The following CHL1 variants were observed in gnomAD, a reference collection of about 807,000 sequenced individuals.
The protein encoded by CHL1 is neural cell adhesion molecule L1-like protein.
CHL1 carries 96 observed loss-of-function variants against 141.9 expected under a neutral mutation model. The observed-to-expected ratio is 0.68, with a 90% CI of 0.57 to 0.80. The LOEUF is 0.80. CHL1 is among the 30% of genes least tolerant of loss of function. The pLI is 0.00. For synonymous variants in CHL1, 613 were observed against 502.2 expected (o/e 1.22, Z -2.95); for missense variants, 1,820 against 1,457.2 (o/e 1.25, Z -4.05).
intron 2 of CHL1, among the ~76,000 whole-genome samples, chr3:285,086 T>G (rs1175185941): frequency 6.6e-6 from 1 of 152,256 alleles, no homozygotes; most frequent in Non-Finnish European, 1.5e-5. Flanking sequence ...TTTGTGTGTT[T>G]AAACATGCTT....
At chr3:357,576 G>A (rs773314838) in intron 11 of CHL1, among the ~76,000 whole-genome samples, 3 of 152,224 alleles carry the variant, frequency 2.0e-5, no homozygotes, top group East Asian at 1.9e-4. Context: ...CTGAAGTTTC[G>A]TCCATTTTAT....
intron 18 of CHL1, 139 bp from the exon 19 acceptor site, chr3:383,677 A>G: frequency 3.9e-6 from 2 of 516,836 alleles, no homozygotes; most frequent in East Asian, 3.0e-5. Flanking sequence ...AAATCTTTTT[A>G]GGAACTGGAC....
At chr3:394,228 A>G (rs1254704999) in intron 23 of CHL1, among the ~76,000 whole-genome samples, 1 of 152,228 alleles carries the variant, frequency 6.6e-6, no homozygotes, top group Non-Finnish European at 1.5e-5. Context: ...TTGGTGCCAC[A>G]TGTTAAACTA....
At chr3:366,633 T>C (rs1385815104) in intron 15 of CHL1, among the ~76,000 whole-genome samples, 1 of 147,368 alleles carries the variant, frequency 6.8e-6, no homozygotes, top group African/African-American at 2.5e-5. Flanking sequence ...GTGTGTGAAA[T>C]GGAAACCACT....
intron 15 of CHL1, among the ~76,000 whole-genome samples, chr3:375,675 T>C (rs896799201): frequency 1.3e-5 from 2 of 152,118 alleles, no homozygotes; most frequent in Non-Finnish European, 2.9e-5. Flanking sequence ...TAACACTCTC[T>C]GAGCACATAC....
At chr3:314,246 GT>G (rs1699974826) in intron 2 of CHL1, among the ~76,000 whole-genome samples, 1 of 147,742 alleles carries the variant, frequency 6.8e-6, no homozygotes, top group Admixed American at 6.8e-5. Context: ...TTAGGAAAAT[GT>G]TAAAATGCAC....
intron 2 of CHL1, chr3:248,569 T>A (rs922872425): frequency 2.0e-5 from 3 of 152,116 alleles, no homozygotes; most frequent in Non-Finnish European, 4.4e-5. Flanking sequence ...GTCACTGCAA[T>A]CAAGGTAATA....
chr3:335,719 T>C (rs969452397), intron 5 of CHL1, among the ~76,000 whole-genome samples: 8 of 152,222 alleles, frequency 5.3e-5, no homozygotes, highest in African/African-American at 1.9e-4. Context: ...CTACATGAAA[T>C]GAACAAATGA....
chr3:207,165 C>T (rs1699515428), intron 1 of CHL1, among the ~76,000 whole-genome samples: 1 of 152,206 alleles, frequency 6.6e-6, no homozygotes. Flanking sequence ...GGGATATTTA[C>T]AAGCAAATGT....
chr3:235,396 C>T (rs910137550), intron 1 of CHL1, among the ~76,000 whole-genome samples: 3 of 152,038 alleles, frequency 2.0e-5, no homozygotes, highest in Non-Finnish European at 4.4e-5. Flanking sequence ...ACCGTATCTA[C>T]CTCATGGGTT....
intron 4 of CHL1, among the ~76,000 whole-genome samples, chr3:327,329 C>G (rs1351343043): frequency 1.3e-5 from 2 of 151,922 alleles, no homozygotes; most frequent in African/African-American, 4.8e-5. Context: ...CATTGTTTGT[C>G]TATCAGACTG....
At chr3:308,025 T>G (rs989595356) in intron 2 of CHL1, among the ~76,000 whole-genome samples, 1 of 152,214 alleles carries the variant, frequency 6.6e-6, no homozygotes, top group Non-Finnish European at 1.5e-5. Context: ...TTGAGAGATA[T>G]TCATTTAAAG....
intron 2 of CHL1, among the ~76,000 whole-genome samples, chr3:303,144 G>C (rs969930614): frequency 1.3e-5 from 2 of 152,130 alleles, no homozygotes; most frequent in Non-Finnish European, 2.9e-5. Context: ...GGTTACTGTA[G>C]ACTTGTAGTG....
intron 10 of CHL1, among the ~76,000 whole-genome samples, chr3:353,221 T>C (rs937118860): frequency 1.3e-5 from 2 of 152,228 alleles, no homozygotes; most frequent in Non-Finnish European, 2.9e-5. Context: ...ATTTTCTTTA[T>C]TTCTGCATAC....
chr3:391,766 C>A lies in CHL1; in HGVS notation c.2883C>A (p.Asn961Lys). 1 of 1,596,256 alleles carries A rather than the reference C, an allele frequency of 6.3e-7. No homozygotes were observed. Among genetic ancestry groups the A allele is most frequent in the Non-Finnish European group, 8.5e-7 (1 of 1,170,356 alleles). ...GACTACCTAAGAAATTAAATGGAAA[C>A]TTAACTGGCTATCTTTTGCAATATC... is the stretch of plus-strand genomic sequence containing the variant. ...SWGLPKKLNG[N>K]LTGYLLQYQI... Residue 961 changes from asparagine to lysine, a missense_variant, in exon 23 of 28, where the codon AAC (asparagine) becomes AAA (lysine). Physicochemically the swap from Asn to Lys is moderately conservative, Grantham distance 94. Transcript: ENST00000256509.
intron 2 of CHL1, among the ~76,000 whole-genome samples, chr3:280,079 G>A (rs1696502931): frequency 6.6e-6 from 1 of 152,162 alleles, no homozygotes; most frequent in Non-Finnish European, 1.5e-5. Flanking sequence ...AATAAATATA[G>A]GTGTGTAAAG....
intron 27 of CHL1, 34 bp from the exon 28 acceptor site, chr3:405,461 T>G (rs777812002): frequency 1.0e-5 from 14 of 1,369,574 alleles, no homozygotes; most frequent in Non-Finnish European, 1.5e-5. Flanking sequence ...AATATTAGAT[T>G]TTGTTGAGCT....
intron 2 of CHL1, among the ~76,000 whole-genome samples, 184 bp from the exon 3 acceptor site, chr3:319,499 T>C (rs540906496): frequency 6.6e-6 from 1 of 151,166 alleles, no homozygotes; most frequent in Non-Finnish European, 1.5e-5. Context: ...ATATTCGCTG[T>C]CCTTTATTTT....
chr3:286,651 TA>T (rs952362445), intron 2 of CHL1, among the ~76,000 whole-genome samples: 9 of 149,000 alleles, frequency 6.0e-5, no homozygotes, highest in African/African-American at 2.2e-4. Context: ...AGTAAAGGAA[TA>T]AAAGAATGGC....
Sources: allele counts gnomAD v4.1 joint callset (sites outside exome capture counted in the v4.1 genomes callset), GRCh38; gene constraint gnomAD v4.1.1; transcripts MANE v1.5; gene names NCBI Gene and HGNC (gene_info 2026-07-23, HGNC 2026-07-21).